The following CDH18 variants were observed in gnomAD, a reference collection of about 807,000 sequenced individuals.
The protein encoded by CDH18 is cadherin 18, also known as cadherin-18.
In CDH18, 31 loss-of-function variants were observed where a neutral mutation model predicts 67.9. The ratio of observed to expected loss-of-function variants is 0.46; its 90% CI spans 0.34 to 0.62. CDH18 has a LOEUF of 0.62. Among genes scored for constraint, CDH18 ranks in the 20% least tolerant of loss-of-function variants. CDH18 has a pLI of 0.01. For missense variants in CDH18, 890 were observed against 975.5 expected, an observed-to-expected ratio of 0.91 and a Z score of 1.17; for synonymous variants, 362 against 347.2, an observed-to-expected ratio of 1.04 and a Z score of -0.48.
At chr5:19,892,996 T>C (rs1490255954) in intron 2 of CDH18, among the ~76,000 whole-genome samples, 1 of 152,176 alleles carries the variant, frequency 6.6e-6, no homozygotes, top group East Asian at 1.9e-4. Flanking sequence ...AAAAGTCATA[T>C]GTTAAAACCT....
At chr5:20,502,914 C>T (rs574045096) in intron 1 of CDH18, among the ~76,000 whole-genome samples, 1 of 152,138 alleles carries the variant, frequency 6.6e-6, no homozygotes, top group South Asian at 2.1e-4. Context: ...TTAATAGGCA[C>T]CTCAATGAAA....
chr5:20,143,973 T>C (rs1221521591), intron 2 of CDH18, among the ~76,000 whole-genome samples: 1 of 152,152 alleles, frequency 6.6e-6, no homozygotes, highest in Non-Finnish European at 1.5e-5. Flanking sequence ...AGGCCTCTCT[T>C]GTGTGATGTC....
At chr5:19,489,387 A>AG (rs1740952855) in intron 11 of CDH18, among the ~76,000 whole-genome samples, 15 of 151,662 alleles carry the variant, frequency 9.9e-5, no homozygotes, top group Admixed American at 9.9e-4. Flanking sequence ...AGCTGGGACT[A>AG]CAGGCGCCCG....
At chr5:20,407,704 A>G (rs1254953279) in intron 1 of CDH18, among the ~76,000 whole-genome samples, 1 of 137,580 alleles carries the variant, frequency 7.3e-6, no homozygotes, top group Non-Finnish European at 1.6e-5. Context: ...TATCACAGTC[A>G]GAAAAGAAAA....
At chr5:19,852,291 T>C (rs1040011823) in intron 2 of CDH18, among the ~76,000 whole-genome samples, 3 of 152,054 alleles carry the variant, frequency 2.0e-5, no homozygotes, top group Non-Finnish European at 2.9e-5. Context: ...GAAAAGAGCA[T>C]AATGACAACT....
At chr5:20,235,802 C>T (rs1303291667) in intron 2 of CDH18, among the ~76,000 whole-genome samples, 1 of 152,138 alleles carries the variant, frequency 6.6e-6, no homozygotes. Flanking sequence ...TTAAATTGTT[C>T]TACCAAAATG....
At chr5:19,969,921 T>C (rs1475921179) in intron 2 of CDH18, among the ~76,000 whole-genome samples, 5 of 152,044 alleles carry the variant, frequency 3.3e-5, no homozygotes, top group African/African-American at 1.2e-4. Flanking sequence ...CATTTAAAAA[T>C]CCAAGAATGT....
rs376060788 is a variant in CDH18, at chr5:19,595,271, T to C, written c.812-4027A>G. 3.3e-5 allele frequency among the ~76,000 whole-genome samples: 5 copies of C among 151,832 alleles called. 1 individual carries two copies. In the East Asian group the frequency reaches 9.7e-4, roughly 30 times the overall value. On this transcript the variant is annotated intron_variant, in intron 6 of 12. Transcript: ENST00000382275. The stretch of plus-strand genomic sequence containing the variant: ...AAAATTATAAAACATGGATGAAAAA[T>C]GTAAAAAGACAAAAGGAAGTGAAGG...
chr5:20,159,563 A>G (rs1452283262), intron 2 of CDH18, among the ~76,000 whole-genome samples: 1 of 152,188 alleles, frequency 6.6e-6, no homozygotes, highest in Non-Finnish European at 1.5e-5. Flanking sequence ...ATAAGCAAAC[A>G]GTAATTGTCA....
chr5:20,070,597 T>A (rs994693629), intron 2 of CDH18, among the ~76,000 whole-genome samples: 3 of 152,108 alleles, frequency 2.0e-5, no homozygotes, highest in Admixed American at 2.0e-4. Flanking sequence ...TTATTTGATG[T>A]GAAGGAGAGG....
chr5:20,043,958 C>T lies in CDH18; in HGVS notation c.-517-51944G>A, dbSNP rs73762485. ...TCGAAAGTTATTCTATCCTTACTTC[C>T]CAAACATAAATACATATGCTCCTTC... On this transcript the variant is annotated intron_variant, in intron 2 of 14. Coordinates refer to the CDH18 transcript ENST00000507958. Among the ~76,000 whole-genome samples the T allele has an allele frequency of 5.5e-3, 841 of 152,214 alleles. 8 individuals are homozygous for T. Among genetic ancestry groups the T allele is most frequent in the African/African-American group, 0.019 (784 of 41,540 alleles).
intron 4 of CDH18, among the ~76,000 whole-genome samples, chr5:19,726,282 A>AAT (rs1766831052): frequency 6.6e-6 from 1 of 152,122 alleles, no homozygotes; most frequent in Non-Finnish European, 1.5e-5. Context: ...AGCAGACAAA[A>AAT]ATATATATAT....
intron 2 of CDH18, among the ~76,000 whole-genome samples, chr5:20,193,628 C>A (rs983338085): frequency 6.6e-6 from 1 of 152,012 alleles, no homozygotes; most frequent in Non-Finnish European, 1.5e-5. Flanking sequence ...ATACAAAAAT[C>A]GGGAAGAGAC....
intron 3 of CDH18, among the ~76,000 whole-genome samples, chr5:19,836,290 G>A (rs201329192): frequency 6.6e-6 from 1 of 152,016 alleles, no homozygotes; most frequent in Non-Finnish European, 1.5e-5. Flanking sequence ...ACCAACAGTG[G>A]AAAAGTGTTC....
chr5:19,787,809 T>TTATATATATATATATA lies in CDH18; in HGVS notation c.229-40589_229-40574dup, dbSNP rs35850823. On this transcript the variant is annotated intron_variant, in intron 3 of 12. Transcript: ENST00000382275. ...TCCAATGAATAGCAGTAATTTACAG[T>TTATATATATATATATA]TATATATATATATATATATGTTTAC... is the stretch of plus-strand genomic sequence containing the variant. Among the ~76,000 whole-genome samples, 1,096 of 144,290 alleles carry TTATATATATATATATA rather than the reference T, an allele frequency of 7.6e-3. 8 individuals carry two copies. Among genetic ancestry groups the TTATATATATATATATA allele is most frequent in the Non-Finnish European group, 9.4e-3 (622 of 65,956 alleles). The allele number at this position is 144,290 out of a possible 152,430, so 94.7% of individuals were successfully genotyped here. A position where few individuals can be genotyped will look rare whatever the true frequency, so the allele number is the denominator to read the frequency against.
intron 2 of CDH18, among the ~76,000 whole-genome samples, chr5:19,940,772 G>T (rs1044137406): frequency 6.6e-6 from 1 of 151,836 alleles, no homozygotes; most frequent in Non-Finnish European, 1.5e-5. Flanking sequence ...TTTTCTCCAA[G>T]TACTAGTTTA....
intron 2 of CDH18, among the ~76,000 whole-genome samples, chr5:20,038,943 C>T (rs979100410): frequency 6.6e-6 from 1 of 152,030 alleles, no homozygotes; most frequent in Non-Finnish European, 1.5e-5. Context: ...ATTTAGAAAA[C>T]CCCATCGTTT....
intron 2 of CDH18, among the ~76,000 whole-genome samples, chr5:20,236,542 A>G (rs551012807): frequency 6.6e-6 from 1 of 152,136 alleles, no homozygotes; most frequent in African/African-American, 2.4e-5. Context: ...AAGGACAACA[A>G]AAAGACATAC....
intron 1 of CDH18, among the ~76,000 whole-genome samples, chr5:20,278,473 T>G (rs935472326): frequency 2.6e-5 from 4 of 152,042 alleles, no homozygotes; most frequent in South Asian, 2.1e-4. Context: ...GCTGAGAAAT[T>G]TCTACAATAT....
Sources: gnomAD v4.1 joint callset for allele counts (sites outside exome capture counted in the v4.1 genomes callset) on GRCh38, gnomAD v4.1.1 for gene constraint, MANE v1.5 for transcripts, NCBI Gene and HGNC (gene_info 2026-07-23, HGNC 2026-07-21) for gene names.